The following ADAMTS20 variants were observed in gnomAD, a reference collection of about 807,000 sequenced individuals.
ADAMTS20 encodes ADAM metallopeptidase with thrombospondin type 1 motif 20.
Under a neutral mutation model 260.1 loss-of-function variants are expected in ADAMTS20, and 225 were observed. That is an observed-to-expected ratio of 0.87 (90% confidence interval 0.78 to 0.97). The LOEUF (loss-of-function observed/expected upper bound fraction) is 0.97. Ranked by LOEUF, ADAMTS20 falls within the 50% of genes least tolerant of loss-of-function variation. The pLI is 0.00. For missense variants in ADAMTS20, 2,400 were observed against 2,337.7 expected (o/e 1.03, Z -0.55); for synonymous variants, 802 against 769.5 (o/e 1.04, Z -0.70).
chr12:43,396,236 G>A (rs1367674457), intron 29 of ADAMTS20, among the ~76,000 whole-genome samples: 1 of 152,050 alleles, frequency 6.6e-6, no homozygotes, highest in Non-Finnish European at 1.5e-5. Context: ...ATCAAATGAA[G>A]AGTGTTCCTT....
rs1020340736 is a variant in ADAMTS20 at position 43,376,342 on chromosome 12, A to G, written c.5126-12T>C. Reference sequence around the variant, plus strand: ...GGTAAATGATTTACCTTCAAAGACAAATTAACACAACTTAACACAGAGCAA... The same window carrying G: ...GGTAAATGATTTACCTTCAAAGACAGATTAACACAACTTAACACAGAGCAA... On this transcript the variant is annotated splice_polypyrimidine_tract_variant and intron_variant, in intron 33 of 38. Transcript: ENST00000389420. The G allele has an allele frequency of 1.3e-6, 2 of 1,538,668 alleles. No homozygotes were observed. Among genetic ancestry groups the G allele is most frequent in the East Asian group, 4.9e-5 (2 of 41,018 alleles).
chr12:43,361,105 G>A lies in ADAMTS20; in HGVS notation c.5539-4517C>T, dbSNP rs149824161. Among the ~76,000 whole-genome samples, 547 of 152,276 alleles carry A rather than the reference G, an allele frequency of 3.6e-3. 3 individuals are homozygous for A. The highest frequency in any genetic ancestry group is 9.5e-3 in the Admixed American group (146 of 15,300). On this transcript the variant is annotated intron_variant, in intron 37 of 38. Coordinates refer to ENST00000389420, the MANE Select transcript of ADAMTS20 (RefSeq NM_025003.5). ...ACTTCATCTCATATTGCAATGTGGC[G>A]AAGTTTATTTTCCCTAAAGAGTGCC... is the stretch of plus-strand genomic sequence containing the variant.
chr12:43,386,527 G>A (rs1336394900), intron 29 of ADAMTS20, among the ~76,000 whole-genome samples: 1 of 152,042 alleles, frequency 6.6e-6, no homozygotes, highest in Non-Finnish European at 1.5e-5. Flanking sequence ...TTTGAATGTT[G>A]GCCTGTCTTA....
At chr12:43,384,024 A>T in intron 29 of ADAMTS20, 47 bp from the exon 30 acceptor site, 1 of 1,525,214 alleles carries the variant, frequency 6.6e-7, no homozygotes, top group Non-Finnish European at 8.8e-7. Context: ...ATAAATACCA[A>T]ATTATATAAA....
chr12:43,414,322 A>T (rs945621224), intron 28 of ADAMTS20, among the ~76,000 whole-genome samples: 1 of 152,148 alleles, frequency 6.6e-6, no homozygotes, highest in Non-Finnish European at 1.5e-5. Context: ...ATCCTCTCAG[A>T]ATCTCCCATC....
intron 31 of ADAMTS20, among the ~76,000 whole-genome samples, chr12:43,378,712 C>T (rs1462749298): frequency 3.3e-5 from 5 of 152,084 alleles, no homozygotes; most frequent in South Asian, 2.1e-4. Context: ...ATGCAAAGAA[C>T]CTGGAAAATA....
intron 7 of ADAMTS20, among the ~76,000 whole-genome samples, chr12:43,472,169 T>C (rs2137395793): frequency 6.9e-6 from 1 of 144,352 alleles, no homozygotes; most frequent in Middle Eastern, 3.6e-3. Flanking sequence ...AAACCAAGGC[T>C]CGAGAACTAC....
At chr12:43,500,415 TACATATCAACTGACATCCTCC>T (rs1420646074) in intron 4 of ADAMTS20, among the ~76,000 whole-genome samples, 4 of 152,204 alleles carry the variant, frequency 2.6e-5, no homozygotes, top group Admixed American at 6.5e-5. Flanking sequence ...TACAATCTTG[TACATATCAACTGACATCCTCC>T]ACACCATAGT....
At chr12:43,445,323 C>T (rs541255202) in intron 15 of ADAMTS20, among the ~76,000 whole-genome samples, 3 of 151,424 alleles carry the variant, frequency 2.0e-5, no homozygotes, top group Middle Eastern at 6.8e-3. Context: ...TAAGTATGTG[C>T]CATGCATTAT....
At chr12:43,454,816 G>C (rs1435642628) in intron 11 of ADAMTS20, among the ~76,000 whole-genome samples, 2 of 152,126 alleles carry the variant, frequency 1.3e-5, no homozygotes, top group Non-Finnish European at 2.9e-5. Flanking sequence ...TAAGCATTAA[G>C]AAATTTTTGT....
intron 37 of ADAMTS20, among the ~76,000 whole-genome samples, chr12:43,362,879 C>T (rs1939903634): frequency 6.6e-6 from 1 of 150,648 alleles, no homozygotes; most frequent in Admixed American, 6.6e-5. Context: ...GGAATGCAGG[C>T]AACTTCTAGA....
intron 16 of ADAMTS20, among the ~76,000 whole-genome samples, chr12:43,441,066 A>C (rs77423058): frequency 9.1e-6 from 1 of 110,238 alleles, no homozygotes; most frequent in African/African-American, 3.7e-5. Context: ...CTCCGTCTCC[A>C]AAAAAAAAAA....
At chr12:43,517,430 GA>G (rs1423288471) in intron 3 of ADAMTS20, among the ~76,000 whole-genome samples, 2 of 151,826 alleles carry the variant, frequency 1.3e-5, no homozygotes, top group African/African-American at 4.8e-5. Context: ...ATTTTTAAAT[GA>G]TATCATTTAC....
intron 26 of ADAMTS20, 99 bp downstream of exon 26, chr12:43,428,142 T>G: frequency 8.3e-7 from 1 of 1,200,032 alleles, no homozygotes; most frequent in Non-Finnish European, 1.2e-6. Flanking sequence ...TGAAATAAAT[T>G]TAGCATTTAA....
At chr12:43,444,417 A>T (rs2137334535) in intron 15 of ADAMTS20, among the ~76,000 whole-genome samples, 1 of 152,272 alleles carries the variant, frequency 6.6e-6, no homozygotes, top group Non-Finnish European at 1.5e-5. Context: ...AGTTTGTAGT[A>T]TAAGCAGGAA....
At chr12:43,459,594 T>A (rs1007644290) in intron 11 of ADAMTS20, among the ~76,000 whole-genome samples, 10 of 152,362 alleles carry the variant, frequency 6.6e-5, no homozygotes, top group African/African-American at 2.2e-4. Flanking sequence ...TGTTAACTCA[T>A]GTATCCTACA....
chr12:43,487,919 A>G (rs541715857), intron 7 of ADAMTS20, among the ~76,000 whole-genome samples: 19 of 152,324 alleles, frequency 1.2e-4, no homozygotes, highest in African/African-American at 4.3e-4. Context: ...ACTCAAGTGC[A>G]TACCGAAATT....
intron 7 of ADAMTS20, 77 bp downstream of exon 7, chr12:43,490,318 G>T: frequency 1.3e-6 from 1 of 743,366 alleles, no homozygotes; most frequent in Non-Finnish European, 2.0e-6. Flanking sequence ...AAAATAAATG[G>T]AAAATAGCCT....
chr12:43,540,556 T>A (rs1943362646), intron 2 of ADAMTS20, among the ~76,000 whole-genome samples: 2 of 152,212 alleles, frequency 1.3e-5, no homozygotes, highest in African/African-American at 2.4e-5. Context: ...ATTAAAATAT[T>A]AGAGCTTTGC....
Sources: gnomAD v4.1 joint callset for allele counts (sites outside exome capture counted in the v4.1 genomes callset) on GRCh38, gnomAD v4.1.1 for gene constraint, MANE v1.5 for transcripts, NCBI Gene and HGNC (gene_info 2026-07-23, HGNC 2026-07-21) for gene names.